The following EEFSEC variants were observed in gnomAD, a reference collection of about 807,000 sequenced individuals.
The protein encoded by EEFSEC is eukaryotic elongation factor, selenocysteine-tRNA specific.
Under a neutral mutation model 42.1 loss-of-function variants are expected in EEFSEC, and 43 were observed. The ratio of observed to expected loss-of-function variants is 1.02; its 90% CI spans 0.80 to 1.32. The LOEUF (loss-of-function observed/expected upper bound fraction) is 1.32. Ranked by LOEUF, EEFSEC falls within the 40% of genes most tolerant of loss-of-function variation. EEFSEC has a pLI of 0.00. For missense variants in EEFSEC, 745 were observed against 803.6 expected, an observed-to-expected ratio of 0.93 and a Z score of 0.88; for synonymous variants, 354 against 339.1, an observed-to-expected ratio of 1.04 and a Z score of -0.48.
chr3:128,192,560 G>C (rs761147607), intron 1 of EEFSEC, among the ~76,000 whole-genome samples: 1 of 152,112 alleles, frequency 6.6e-6, no homozygotes, highest in African/African-American at 2.4e-5. Flanking sequence ...CTTCACAAAC[G>C]TATTTTTATA....
the EEFSEC span, among the ~76,000 whole-genome samples, chr3:128,424,807 G>A: frequency 2.6e-5 from 4 of 152,104 alleles, no homozygotes; most frequent in African/African-American, 9.7e-5. Flanking sequence ...AAAGTGAATG[G>A]AAGTAACAAC....
At chr3:128,233,324 G>T (rs1421846620) in intron 1 of EEFSEC, among the ~76,000 whole-genome samples, 1 of 152,188 alleles carries the variant, frequency 6.6e-6, no homozygotes, top group Non-Finnish European at 1.5e-5. Context: ...AAGTGCATTT[G>T]AATTTTAAAA....
chr3:128,177,412 G>A (rs918507910), intron 1 of EEFSEC, among the ~76,000 whole-genome samples: 29 of 23,896 alleles, frequency 1.2e-3, no homozygotes, highest in Admixed American at 1.5e-3. Flanking sequence ...ACCCCCACCC[G>A]CATCTCTGGA....
chr3:128,401,384 G>A (rs1261002660), intron 6 of EEFSEC, among the ~76,000 whole-genome samples: 2 of 152,210 alleles, frequency 1.3e-5, no homozygotes, highest in African/African-American at 4.8e-5. Flanking sequence ...GCTAGGCCCT[G>A]CACACAATCC....
chr3:128,196,798 G>A (rs1262569489), intron 1 of EEFSEC, among the ~76,000 whole-genome samples: 3 of 152,190 alleles, frequency 2.0e-5, no homozygotes, highest in Non-Finnish European at 2.9e-5. Flanking sequence ...CTGCAGAAGG[G>A]AGACTGAATG....
chr3:128,155,124 G>GT (rs1478036381), intron 1 of EEFSEC, among the ~76,000 whole-genome samples: 4 of 151,084 alleles, frequency 2.6e-5, no homozygotes, highest in African/African-American at 9.8e-5. Context: ...TTGTTTTTTT[G>GT]TTTTTTTCTG....
chr3:128,387,834 A>G (rs917834166), intron 6 of EEFSEC, among the ~76,000 whole-genome samples: 5 of 152,136 alleles, frequency 3.3e-5, no homozygotes, highest in Non-Finnish European at 7.4e-5. Flanking sequence ...GCATGTTTGG[A>G]GCCCTGGCAG....
chr3:128,288,051 A>G (rs1484176115), intron 4 of EEFSEC, among the ~76,000 whole-genome samples: 1 of 145,784 alleles, frequency 6.9e-6, no homozygotes, highest in African/African-American at 2.5e-5. Flanking sequence ...TGCATTAGTG[A>G]TAATACAGGT....
chr3:128,285,538 C>G (rs568880251), intron 4 of EEFSEC, among the ~76,000 whole-genome samples: 2 of 152,276 alleles, frequency 1.3e-5, no homozygotes, highest in South Asian at 4.1e-4. Context: ...GTGTCCCCTC[C>G]TCCTCACCAC....
chr3:128,203,676 C>CT (rs922613183), intron 1 of EEFSEC, among the ~76,000 whole-genome samples: 9 of 152,182 alleles, frequency 5.9e-5, no homozygotes, highest in Admixed American at 1.3e-4. Flanking sequence ...CAGTATCTAC[C>CT]TTTTTTTATC....
intron 1 of EEFSEC, among the ~76,000 whole-genome samples, chr3:128,172,754 C>G (rs1243187834): frequency 3.3e-5 from 5 of 152,288 alleles, no homozygotes; most frequent in East Asian, 3.9e-4. Flanking sequence ...TTATTTGATT[C>G]ATTGAGCATG....
chr3:128,354,014 C>T (rs939885313), intron 5 of EEFSEC, among the ~76,000 whole-genome samples: 1 of 152,122 alleles, frequency 6.6e-6, no homozygotes, highest in East Asian at 1.9e-4. Context: ...CCAGCCTCCC[C>T]TCCCCTGGGG....
At chr3:128,416,486 A>G in the EEFSEC span, among the ~76,000 whole-genome samples, 13 of 151,816 alleles carry the variant, frequency 8.6e-5, no homozygotes, top group Admixed American at 8.5e-4. Flanking sequence ...GAGCACCCCC[A>G]CACCATGCCC....
intron 4 of EEFSEC, among the ~76,000 whole-genome samples, chr3:128,299,974 T>C (rs1005945505): frequency 6.6e-6 from 1 of 152,202 alleles, no homozygotes; most frequent in East Asian, 1.9e-4. Flanking sequence ...TTTCCCAGCA[T>C]GTAAGCCCTG....
At chr3:128,398,721 G>A (rs533587846) in intron 6 of EEFSEC, among the ~76,000 whole-genome samples, 58 of 152,266 alleles carry the variant, frequency 3.8e-4, no homozygotes, top group Non-Finnish European at 4.7e-4. Context: ...CTGGGCAGGC[G>A]CCCCACTCGC....
intron 1 of EEFSEC, among the ~76,000 whole-genome samples, chr3:128,234,524 C>T (rs951641240): frequency 1.3e-5 from 2 of 152,146 alleles, no homozygotes; most frequent in African/African-American, 4.8e-5. Flanking sequence ...TTAGGAGTTG[C>T]TCTCTAGCAA....
chr3:128,264,891 T>A lies in EEFSEC; in HGVS notation c.786+110T>A. 6.1e-6 allele frequency: 8 copies of A among 1,316,280 alleles called. No individual in the cohort carries two copies. The South Asian group carries it at 1.2e-4, about 20-fold the overall frequency. The allele number at this position is 1,316,280 out of a possible 1,614,324, so 81.5% of individuals were successfully genotyped here. On this transcript the variant is annotated intron_variant, in intron 4 of 6. Transcript: ENST00000254730. ...CCTGCTGCTGTGCCTGCCCTGGGAC[T>A]CCCACTGCCTGCTCCGCCCCACCTC...
At chr3:128,358,058 G>C (rs1293377111) in intron 5 of EEFSEC, among the ~76,000 whole-genome samples, 159 bp from the exon 6 acceptor site, 1 of 152,134 alleles carries the variant, frequency 6.6e-6, no homozygotes, top group African/African-American at 2.4e-5. Flanking sequence ...TTTGTTATCT[G>C]TTAGGTGGGC....
At chr3:128,385,894 G>A (rs558626371) in intron 6 of EEFSEC, among the ~76,000 whole-genome samples, 184 of 152,320 alleles carry the variant, frequency 1.2e-3, no homozygotes, top group Non-Finnish European at 2.2e-3. Context: ...AACATCCCAC[G>A]GTGGAACATG....
Sources: gnomAD v4.1 joint callset for allele counts (sites outside exome capture counted in the v4.1 genomes callset) on GRCh38, gnomAD v4.1.1 for gene constraint, MANE v1.5 for transcripts, NCBI Gene and HGNC (gene_info 2026-07-23, HGNC 2026-07-21) for gene names.